The following RASSF1 variants were observed in gnomAD, a reference collection of about 807,000 sequenced individuals.
RASSF1 encodes the protein ras association domain-containing protein 1.
In RASSF1, 33 loss-of-function variants were observed where a neutral mutation model predicts 34.3. The ratio of observed to expected loss-of-function variants is 0.96; its 90% CI spans 0.73 to 1.29. RASSF1 has a LOEUF of 1.29. RASSF1 is among the 50% of genes most tolerant of loss of function. The pLI is 0.00. For missense variants in RASSF1, 445 were observed against 471.8 expected (o/e 0.94, Z 0.53); for synonymous variants, 191 against 195.0 (o/e 0.98, Z 0.17).
Position 50,335,363 on chromosome 3 carries a change from C to G in RASSF1, c.357+2542G>C, listed in dbSNP as rs587717189. Among the ~76,000 whole-genome samples, 359 of 137,990 alleles carry G rather than the reference C, an allele frequency of 2.6e-3. 2 individuals are homozygous for G. The highest frequency in any genetic ancestry group is 9.5e-3 in the African/African-American group (343 of 36,100). The allele number at this position is 137,990 out of a possible 152,430, so 90.5% of individuals were successfully genotyped here. Reference sequence around the variant, plus strand: ...ACAGAGTCTTGCTCTCTCATCCAGGCTGGAATGCAGTGGCCCAGTCTCGAC... The same window carrying G: ...ACAGAGTCTTGCTCTCTCATCCAGGGTGGAATGCAGTGGCCCAGTCTCGAC... On this transcript the variant is annotated intron_variant, in intron 2 of 5. Transcript: ENST00000359365.
At position 50,334,117 on chromosome 3, in the gene RASSF1, T is replaced by C. The variant is rs587711595; in HGVS notation, c.358-1963A>G. On this transcript the variant is annotated intron_variant, in intron 2 of 5. Coordinates refer to ENST00000359365, the MANE Select transcript of RASSF1 (RefSeq NM_007182.5). ...AGTCCCCTTAAGCACTTAAACCATC[T>C]GATGGGGACAAATGGAGAGGACAGA... is the stretch of plus-strand genomic sequence containing the variant. Among the ~76,000 whole-genome samples, 7 of 152,290 alleles carry C rather than the reference T, an allele frequency of 4.6e-5. No homozygotes were observed. The East Asian group carries it at 1.4e-3, about 29-fold the overall frequency.
Position 50,331,818 on chromosome 3 carries a change from C to T in RASSF1, c.501G>A (p.Gln167=). Residue 167 remains glutamine (Q), a synonymous_variant, in exon 4 of 6, where the codon CAG becomes CAA. Coordinates refer to ENST00000359365, the MANE Select transcript of RASSF1 (RefSeq NM_007182.5). ...DGSYTGFIKV[Q]LKLVRPVSVP... ...CAGAGACAGGGCGCACCAGCTTCAG[C>T]TGAACCTTGATGAAGCCTGTGTAAG... 6.3e-7 allele frequency: 1 copy of T among 1,587,590 alleles called. No individual in the cohort carries two copies. The highest frequency in any genetic ancestry group is 2.3e-5 in the East Asian group (1 of 44,336).
intron 1 of RASSF1, 195 bp from the exon 2 acceptor site, chr3:50,338,206 A>C: frequency 1.4e-6 from 2 of 1,413,308 alleles, no homozygotes; most frequent in Non-Finnish European, 1.8e-6. Context: ...CCGGAAGGCC[A>C]CAGGCAGAGA....
At chr3:50,339,095 T>C (rs1378620744) in intron 1 of RASSF1, among the ~76,000 whole-genome samples, 2 of 152,218 alleles carry the variant, frequency 1.3e-5, no homozygotes, top group African/African-American at 2.4e-5. Context: ...TGCCAGTACC[T>C]TCACTAGGAT....
At chr3:50,335,483 A>C (rs1559843606) in intron 2 of RASSF1, among the ~76,000 whole-genome samples, 1 of 151,462 alleles carries the variant, frequency 6.6e-6, no homozygotes, top group Non-Finnish European at 1.5e-5. Flanking sequence ...TGGCCAGATA[A>C]TTTTTTTGTA....
At chr3:50,338,235 A>C in intron 1 of RASSF1, 3 of 1,374,252 alleles carry the variant, frequency 2.2e-6, no homozygotes, top group Non-Finnish European at 1.9e-6. Flanking sequence ...CAACAGTTGG[A>C]TCTCTATCGC....
rs587708504 is a variant in RASSF1, at chr3:50,340,724, G to C, written c.82C>G (p.Arg28Gly). 7.4e-5 allele frequency: 113 copies of C among 1,517,326 alleles called. 4 individuals are homozygous for C. The South Asian group carries it at 1.3e-3, about 18-fold the overall frequency. 94.0% of individuals were successfully genotyped at this position (1,517,326 alleles called of 1,614,324 possible). A position where few individuals can be genotyped will look rare whatever the true frequency, so the allele number is the denominator to read the frequency against. The change falls in exon 1 of 6, where the codon CGT (arginine) becomes GGT (glycine). Residue 28 changes from arginine (R) to glycine (G), a missense_variant. Transcript: ENST00000359365. ...RAGKGRTRLERANALRIARGT... is the reference protein window; with the variant it reads ...RAGKGRTRLEGANALRIARGT... The stretch of plus-strand genomic sequence containing the variant: ...CGCGCGATGCGCAGCGCGTTGGCAC[G>C]CTCCAGCCGGGTGCGGCCCTTCCCA...
intron 1 of RASSF1, 32 bp downstream of exon 1, chr3:50,340,524 C>T (rs1404778129): frequency 4.2e-6 from 6 of 1,444,788 alleles, no homozygotes; most frequent in Non-Finnish European, 4.5e-6. Flanking sequence ...CTGCCCCTTC[C>T]GCTCTCGTAG....
chr3:50,338,112 T>C, intron 1 of RASSF1, 101 bp from the exon 2 acceptor site: 2 of 1,504,690 alleles, frequency 1.3e-6, no homozygotes, highest in Non-Finnish European at 8.9e-7. Context: ...CTCGCCAGGC[T>C]CCGCAGGCCC....
Position 50,330,831 on chromosome 3 carries a change from T to G in RASSF1, c.877-104A>C, listed in dbSNP as rs1196087457. Reference sequence around the variant, plus strand: ...ACCTCATGTTCACACAAGCTAGGACTGGGCTTTCTGATGTCAGGCTCTTGG... The same window carrying G: ...ACCTCATGTTCACACAAGCTAGGACGGGGCTTTCTGATGTCAGGCTCTTGG... On this transcript the variant is annotated intron_variant, in intron 5 of 5. Coordinates refer to ENST00000359365, the MANE Select transcript of RASSF1 (RefSeq NM_007182.5). The surrounding 1 kb of genome is among the most constrained non-coding windows in gnomAD (Gnocchi z 4.5). 1.1e-5 allele frequency: 14 copies of G among 1,297,192 alleles called. No individual in the cohort carries two copies. The African/African-American group carries it at 1.9e-4, about 18-fold the overall frequency. The allele number at this position is 1,297,192 out of a possible 1,614,324, so 80.4% of individuals were successfully genotyped here. A position where few individuals can be genotyped will look rare whatever the true frequency, so the allele number is the denominator to read the frequency against.
chr3:50,332,714 C>T (rs1702990129), intron 2 of RASSF1, among the ~76,000 whole-genome samples: 1 of 151,966 alleles, frequency 6.6e-6, no homozygotes, highest in African/African-American at 2.4e-5. Context: ...ATCGTTTGAG[C>T]CCGGGAGATT....
At chr3:50,338,060 T>C (rs1703229776) in intron 1 of RASSF1, 49 bp from the exon 2 acceptor site, 1 of 1,541,868 alleles carries the variant, frequency 6.5e-7, no homozygotes, top group Admixed American at 2.0e-5. Flanking sequence ...GTCGGGGAAA[T>C]GTCCCGGAGA....
intron 2 of RASSF1, chr3:50,337,191 G>A (rs1394159252): frequency 1.2e-6 from 2 of 1,611,806 alleles, no homozygotes; most frequent in Admixed American, 1.7e-5. Context: ...GGCGCGGCCT[G>A]CGAGCTAGCG....
At chr3:50,335,774 T>G (rs963337869) in intron 2 of RASSF1, among the ~76,000 whole-genome samples, 18 of 150,724 alleles carry the variant, frequency 1.2e-4, no homozygotes, top group Non-Finnish European at 2.5e-4. Context: ...CCCGGCTAAT[T>G]TTTGTATGTT....
rs1421838324 is a variant in RASSF1, at chr3:50,330,587, A to G, written c.1017T>C (p.Leu339=). ...CACCTGGGGGTACAAGAGGTCACCC[A>G]AGGGGGCAGGCGTGCAGGGCCTCTT... ...KIQEALHACP[L]G Residue 339 remains leucine (L), a synonymous_variant, in exon 6 of 6, where the codon CTT becomes CTC. Transcript: ENST00000359365. This position sits in a 1 kb window ranked among gnomAD's most constrained non-coding sequence, Gnocchi z 4.5. 1 of 1,613,860 alleles carries G rather than the reference A, an allele frequency of 6.2e-7. No individual in the cohort carries two copies. The highest frequency in any genetic ancestry group is 1.7e-5 in the Admixed American group (1 of 60,006).
Position 50,340,653 on chromosome 3 carries a change from G to C in RASSF1, c.153C>G (p.Gly51=). The C allele has an allele frequency of 6.5e-7, 1 of 1,526,922 alleles. No homozygotes were observed. The allele number at this position is 1,526,922 out of a possible 1,614,324, so 94.6% of individuals were successfully genotyped here. Residue 51 remains glycine, a synonymous_variant, in exon 1 of 6, where the codon GGC becomes GGG. Coordinates refer to ENST00000359365, the MANE Select transcript of RASSF1 (RefSeq NM_007182.5). ...CGGGCCCCGCGGGCTGGAAGCGGTG[G>C]CCACGGCCAGGGACCAGCTGCCGTG... ...NPTRQLVPGR[G]HRFQPAGPAT...
chr3:50,337,869 C>T (rs766069343), intron 2 of RASSF1, 36 bp downstream of exon 2: 1 of 1,531,636 alleles, frequency 6.5e-7, no homozygotes, highest in African/African-American at 1.4e-5. Flanking sequence ...CCTGCCCATC[C>T]TCGCCCTTCC....
intron 2 of RASSF1, among the ~76,000 whole-genome samples, chr3:50,332,823 G>A (rs1022769801): frequency 2.7e-4 from 41 of 151,928 alleles, no homozygotes; most frequent in African/African-American, 9.7e-4. Flanking sequence ...GGCTGGGCAC[G>A]TTGGCTCACG....
At chr3:50,337,308 C>A (rs1334662210) in intron 2 of RASSF1, 1 of 1,612,634 alleles carries the variant, frequency 6.2e-7, no homozygotes, top group Non-Finnish European at 8.5e-7. Context: ...AAGGCGCCTC[C>A]GCCTCGCCCA....
Sources: allele counts gnomAD v4.1 joint callset (sites outside exome capture counted in the v4.1 genomes callset), GRCh38; gene constraint gnomAD v4.1.1; non-coding constraint Gnocchi (gnomAD v3.1); transcripts MANE v1.5; gene names NCBI Gene and HGNC (gene_info 2026-07-23, HGNC 2026-07-21).